Variants in CEP126 observed in about 807,000 individuals in gnomAD.
CEP126 encodes the protein centrosomal protein 126, also known as centrosomal protein of 126 kDa.
In CEP126, 74 loss-of-function variants were observed where a neutral mutation model predicts 107.8. That is an observed-to-expected ratio of 0.69 (90% CI 0.57 to 0.83). The LOEUF is 0.83. CEP126 is among the 40% of genes least tolerant of loss of function. The pLI, the probability that CEP126 is intolerant of heterozygous loss-of-function variation, is 0.00. For synonymous variants in CEP126, 449 were observed against 446.0 expected (o/e 1.01, Z -0.08); for missense variants, 1,237 against 1,281.9 (o/e 0.96, Z 0.53).
chr11:101,972,084 G>A (rs1315247822), intron 6 of CEP126, among the ~76,000 whole-genome samples: 1 of 151,578 alleles, frequency 6.6e-6, no homozygotes, highest in Non-Finnish European at 1.5e-5. Flanking sequence ...CTCCAGCCTG[G>A]GCAATAGAGC....
intron 2 of CEP126, among the ~76,000 whole-genome samples, chr11:101,933,824 C>A (rs890647058): frequency 2.8e-5 from 4 of 144,676 alleles, no homozygotes; most frequent in African/African-American, 7.6e-5. Flanking sequence ...ACCCCCCCCC[C>A]ACCAAAACAA....
chr11:101,957,081 A>C (rs1353333594), intron 4 of CEP126: 2 of 257,968 alleles, frequency 7.8e-6, no homozygotes, highest in African/African-American at 4.7e-5. Flanking sequence ...ATGTTCAGGA[A>C]CTTGTATTAA....
In CEP126 at chr11:101,929,481, T is replaced by C. The variant is rs368833918; in HGVS notation, c.248+6721T>C. Among the ~76,000 whole-genome samples the C allele has an allele frequency of 3.0e-4, 46 of 152,318 alleles. No individual in the cohort carries two copies. The South Asian group carries it at 9.3e-3, about 31-fold the overall frequency. On this transcript the variant is annotated intron_variant, in intron 2 of 10. Transcript: ENST00000263468. Reference sequence around the variant, plus strand: ...ACTAGATAAGTAGGACAGTTCTTTATTACTGCTGAGCAGGAGGAGGAGTTC... The same window carrying C: ...ACTAGATAAGTAGGACAGTTCTTTACTACTGCTGAGCAGGAGGAGGAGTTC...
In CEP126 at chr11:101,963,771, T is replaced by C; in HGVS notation, c.2736T>C (p.Pro912=). 1 of 1,614,108 alleles carries C rather than the reference T, an allele frequency of 6.2e-7. No homozygotes were observed. The highest frequency in any genetic ancestry group is 8.5e-7 in the Non-Finnish European group (1 of 1,179,984). ...CATTATATTGCACCCAAAGAAGTCC[T>C]GTTTGTGAAGAAAGTTATCCGTCTG... ...DATLYCTQRS[P]VCEESYPSVT... is the part of the protein sequence containing the mutation. The change falls in exon 6 of 11, where the codon CCT becomes CCC. Residue 912 remains proline, a synonymous_variant. Coordinates refer to ENST00000263468, the MANE Select transcript of CEP126 (RefSeq NM_020802.4).
intron 7 of CEP126, among the ~76,000 whole-genome samples, chr11:101,979,613 GGAGTCCCA>G (rs1449156321): frequency 2.0e-5 from 3 of 152,238 alleles, no homozygotes; most frequent in African/African-American, 7.2e-5. Context: ...GCCAGGCACT[GGAGTCCCA>G]GCTACTTGGG....
chr11:101,956,391 C>T, intron 4 of CEP126: 1 of 456,336 alleles, frequency 2.2e-6, no homozygotes, highest in South Asian at 1.5e-5. Context: ...GCACATCCTG[C>T]TAGCTTGGAT....
intron 6 of CEP126, among the ~76,000 whole-genome samples, chr11:101,974,705 G>A (rs1941173124): frequency 6.6e-6 from 1 of 152,080 alleles, no homozygotes; most frequent in African/African-American, 2.4e-5. Context: ...ATGAAACTAG[G>A]AATTTGGCCA....
At chr11:101,974,175 A>G (rs576914376) in intron 6 of CEP126, among the ~76,000 whole-genome samples, 1 of 152,276 alleles carries the variant, frequency 6.6e-6, no homozygotes, top group East Asian at 1.9e-4. Context: ...AAGGTTTACC[A>G]TAGCTGTTAC....
intron 2 of CEP126, among the ~76,000 whole-genome samples, chr11:101,933,445 C>T (rs1479091228): frequency 6.6e-6 from 1 of 152,126 alleles, no homozygotes; most frequent in African/African-American, 2.4e-5. Context: ...CCCAGTTCTT[C>T]CACTTAATAG....
chr11:101,983,336 TA>T (rs1941278129), intron 8 of CEP126, among the ~76,000 whole-genome samples: 1 of 152,196 alleles, frequency 6.6e-6, no homozygotes, highest in South Asian at 2.1e-4. Flanking sequence ...AACAGAAGGA[TA>T]AACTGTTGAA....
At chr11:101,946,137 T>G (rs190720952) in intron 3 of CEP126, among the ~76,000 whole-genome samples, 136 of 152,260 alleles carry the variant, frequency 8.9e-4, no homozygotes, top group African/African-American at 3.1e-3. Flanking sequence ...CATATCCATA[T>G]TCATCCTTTT....
chr11:101,938,046 G>A (rs188543139), intron 2 of CEP126, among the ~76,000 whole-genome samples: 2 of 151,032 alleles, frequency 1.3e-5, no homozygotes, highest in East Asian at 2.0e-4. Context: ...CCAGCTACTC[G>A]GGAGGCTGAG....
intron 9 of CEP126, among the ~76,000 whole-genome samples, chr11:101,989,984 CATCTAA>C (rs1296574542): frequency 6.6e-6 from 1 of 152,054 alleles, no homozygotes; most frequent in African/African-American, 2.4e-5. Context: ...AACACAGAAA[CATCTAA>C]AGAGAGACAG....
intron 10 of CEP126, among the ~76,000 whole-genome samples, chr11:101,993,901 T>C (rs1237813186): frequency 6.6e-6 from 1 of 152,216 alleles, no homozygotes; most frequent in African/African-American, 2.4e-5. Flanking sequence ...TTAATGGGGT[T>C]GTTTCTTGCT....
intron 8 of CEP126, among the ~76,000 whole-genome samples, chr11:101,983,059 G>A (rs146700379): frequency 0.014 from 2,145 of 152,218 alleles, 18 homozygotes; most frequent in Middle Eastern, 0.027. Context: ...GATTCCCCAC[G>A]AGACCCCACA....
In CEP126 at chr11:101,962,278, T is replaced by G. The variant is rs1377057311; in HGVS notation, c.1243T>G (p.Phe415Val). ...ERPLVTESPT[F>V]KFSKSQSTSD... ...ACCATTAGTTACTGAGAGCCCAACA[T>G]TTAAATTTAGCAAATCCCAAAGCAC... is the stretch of plus-strand genomic sequence containing the variant. The change falls in exon 6 of 11, where the codon TTT (phenylalanine) becomes GTT (valine). Residue 415 changes from phenylalanine to valine, a missense_variant. Physicochemically the swap from Phe to Val is conservative, Grantham distance 50. Coordinates refer to ENST00000263468, the MANE Select transcript of CEP126 (RefSeq NM_020802.4). 1 of 1,613,760 alleles carries G rather than the reference T, an allele frequency of 6.2e-7. No individual in the cohort carries two copies. Among genetic ancestry groups the G allele is most frequent in the Non-Finnish European group, 8.5e-7 (1 of 1,179,810 alleles).
chr11:101,939,174 G>A (rs1034624030), intron 2 of CEP126, among the ~76,000 whole-genome samples: 10 of 152,120 alleles, frequency 6.6e-5, no homozygotes, highest in Admixed American at 2.0e-4. Context: ...AAGAAAGGAT[G>A]TTAGAATATG....
Position 101,980,294 on chromosome 11 carries a change from A to T in CEP126, c.2959-1595A>T, listed in dbSNP as rs1565367762. Among the ~76,000 whole-genome samples the T allele has an allele frequency of 2.0e-5, 3 of 152,314 alleles. 1 individual carries two copies. Among genetic ancestry groups the T allele is most frequent in the African/African-American group, 4.8e-5 (2 of 41,570 alleles). ...GTCTCAAAATGCACAATGCAAAAACATCTTTACCCTTATTTTTTCCTTATT... is the reference window on the plus strand; with the variant it reads ...GTCTCAAAATGCACAATGCAAAAACTTCTTTACCCTTATTTTTTCCTTATT... On this transcript the variant is annotated intron_variant, in intron 7 of 10. Transcript: ENST00000263468.
rs1037449034 is a variant in CEP126 at position 101,999,167 on chromosome 11, A to G, written c.*1524A>G. 6.6e-6 allele frequency: 1 copy of G among 152,174 alleles called. No homozygotes were observed. 9.4% of individuals were successfully genotyped at this position (152,174 alleles called of 1,614,324 possible). A position where few individuals can be genotyped will look rare whatever the true frequency, so the allele number is the denominator to read the frequency against. On this transcript the variant is annotated 3_prime_UTR_variant, in exon 11 of 11. Coordinates refer to ENST00000263468, the MANE Select transcript of CEP126 (RefSeq NM_020802.4). ...TATAGAAAATATTTGAGAATTTCTTATACTATCAAGAAAAAATTCTGTGAA... is the reference window on the plus strand; with the variant it reads ...TATAGAAAATATTTGAGAATTTCTTGTACTATCAAGAAAAAATTCTGTGAA...
Sources: gnomAD v4.1 joint callset for allele counts (sites outside exome capture counted in the v4.1 genomes callset) on GRCh38, gnomAD v4.1.1 for gene constraint, MANE v1.5 for transcripts, NCBI Gene and HGNC (gene_info 2026-07-23, HGNC 2026-07-21) for gene names.